SULT1E1: variants seen among roughly 807,000 people sequenced by gnomAD.
The protein encoded by SULT1E1 is sulfotransferase family 1E member 1.
SULT1E1 carries 36 observed loss-of-function variants against 33.6 expected under a neutral mutation model. The observed-to-expected ratio is 1.07, with a 90% CI of 0.82 to 1.41. The LOEUF (loss-of-function observed/expected upper bound fraction) is 1.41, where lower values mean the gene tolerates loss of function less well. SULT1E1 is among the 40% of genes most tolerant of loss of function. The pLI, the probability that SULT1E1 is intolerant of heterozygous loss-of-function variation, is 0.00. For missense variants in SULT1E1, 371 were observed against 345.7 expected, an observed-to-expected ratio of 1.07 and a Z score of -0.58; for synonymous variants, 121 against 111.7, an observed-to-expected ratio of 1.08 and a Z score of -0.53.
chr4:69,849,170 A>G, intron 5 of SULT1E1: 1 of 234,592 alleles, frequency 4.3e-6, no homozygotes, highest in South Asian at 8.0e-5. Context: ...TCAATCTTGG[A>G]GAATAAAATT....
At chr4:69,824,804 C>T in the SULT1E1 span, among the ~76,000 whole-genome samples, 2 of 152,150 alleles carry the variant, frequency 1.3e-5, no homozygotes, top group Non-Finnish European at 2.9e-5. Context: ...GTAAAATGAA[C>T]CAATGAACAG....
chr4:69,831,260 T>TAGCTTTTTCTTTTTCTCTGC, the SULT1E1 span, among the ~76,000 whole-genome samples: 1 of 152,170 alleles, frequency 6.6e-6, no homozygotes, highest in African/African-American at 2.4e-5. Flanking sequence ...GCCTTTCCTG[T>TAGCTTTTTCTTTTTCTCTGC]AGCTTTTTCT....
intron 6 of SULT1E1, 21 bp from the exon 7 acceptor site, chr4:69,844,362 G>T: frequency 6.4e-7 from 1 of 1,572,842 alleles, no homozygotes; most frequent in Non-Finnish European, 8.7e-7. Flanking sequence ...AAAATGTTTT[G>T]AGAACTAAAT....
chr4:69,824,601 G>T, the SULT1E1 span, among the ~76,000 whole-genome samples: 2 of 152,106 alleles, frequency 1.3e-5, no homozygotes, highest in Admixed American at 6.5e-5. Flanking sequence ...GTCGGGTGGG[G>T]ACTTGGAGAA....
At chr4:69,836,385 G>C (rs1395996960), downstream of SULT1E1, among the ~76,000 whole-genome samples, 2 of 152,170 alleles carry the variant, frequency 1.3e-5, no homozygotes, top group Non-Finnish European at 2.9e-5. Flanking sequence ...TCATCTTATA[G>C]AGACATTCTA....
At chr4:69,859,341 G>A (rs1257930034) in intron 1 of SULT1E1, among the ~76,000 whole-genome samples, 2 of 151,852 alleles carry the variant, frequency 1.3e-5, no homozygotes, top group African/African-American at 4.8e-5. Flanking sequence ...CCTTTTCCTA[G>A]GCCCTGTAGT....
At chr4:69,835,758 A>T in the SULT1E1 span, among the ~76,000 whole-genome samples, 2 of 152,178 alleles carry the variant, frequency 1.3e-5, no homozygotes, top group Non-Finnish European at 2.9e-5. Flanking sequence ...TGGGCAAATG[A>T]ACTTTGTTAT....
At chr4:69,846,729 C>A (rs924361781) in intron 6 of SULT1E1, among the ~76,000 whole-genome samples, 1 of 151,696 alleles carries the variant, frequency 6.6e-6, no homozygotes, top group South Asian at 2.1e-4. Flanking sequence ...ACACTACAAT[C>A]AACAGTGTGT....
chr4:69,836,267 G>A (rs567122072), downstream of SULT1E1, among the ~76,000 whole-genome samples: 1 of 152,208 alleles, frequency 6.6e-6, no homozygotes, highest in African/African-American at 2.4e-5. Flanking sequence ...ATGAGTTTAA[G>A]TTTTTATACT....
intron 4 of SULT1E1, among the ~76,000 whole-genome samples, chr4:69,853,763 A>G (rs1360986656): frequency 6.6e-6 from 1 of 152,168 alleles, no homozygotes; most frequent in Non-Finnish European, 1.5e-5. Context: ...TATCTGACCT[A>G]TCCTTTTATG....
In SULT1E1 at chr4:69,844,165, T is replaced by C. The variant is rs374333738; in HGVS notation, c.768A>G (p.Arg256=). 2 of 1,613,904 alleles carry C rather than the reference T, an allele frequency of 1.2e-6. No individual in the cohort carries two copies. Among genetic ancestry groups the C allele is most frequent in the East Asian group, 2.2e-5 (1 of 44,838 alleles). The change falls in exon 7 of 8, where the codon AGA becomes AGG. Residue 256 remains arginine (R), a synonymous_variant. Coordinates refer to ENST00000226444, the MANE Select transcript of SULT1E1 (RefSeq NM_005420.3). ...GGCAAACCACATTTTTCTCACCCTT[T>C]CTCATGAAGGGCGACAATTTCTGGT... The part of the protein sequence containing the change: ...IMNQKLSPFM[R]KGITGDWKNH...
At chr4:69,844,073 G>T in intron 7 of SULT1E1, 88 bp downstream of exon 7, 1 of 1,194,692 alleles carries the variant, frequency 8.4e-7, no homozygotes, top group Non-Finnish European at 1.2e-6. Flanking sequence ...TGGGTTCATA[G>T]GCATTAAAAT....
At chr4:69,856,302 T>G (rs1721234568) in intron 2 of SULT1E1, among the ~76,000 whole-genome samples, 1 of 152,176 alleles carries the variant, frequency 6.6e-6, no homozygotes, top group South Asian at 2.1e-4. Context: ...CAAGTTATTT[T>G]TATAAAAATC....
At position 69,857,555 on chromosome 4, in the gene SULT1E1, C is replaced by T. The variant is rs1484776891; in HGVS notation, c.90G>A (p.Val30=). 1.2e-6 allele frequency: 2 copies of T among 1,613,300 alleles called. No homozygotes were observed. The highest frequency in any genetic ancestry group is 1.7e-5 in the Admixed American group (1 of 59,836). ...YKDFVKYWDN[V]EAFQARPDDL... ...CATCTGGTCTTGCCTGGAACGCTTCCACATTATCCCAATATTTGACAAAAT... is the reference window on the plus strand; with the variant it reads ...CATCTGGTCTTGCCTGGAACGCTTCTACATTATCCCAATATTTGACAAAAT... Residue 30 remains valine, a synonymous_variant, in exon 2 of 8, where the codon GTG becomes GTA. Transcript: ENST00000226444.
chr4:69,821,366 TC>T, the SULT1E1 span, among the ~76,000 whole-genome samples: 6 of 152,216 alleles, frequency 3.9e-5, no homozygotes, highest in Non-Finnish European at 7.3e-5. Context: ...GTATTATTTT[TC>T]CATACACTAT....
Position 69,841,890 on chromosome 4 carries a change from A to G in SULT1E1, c.*104T>C, listed in dbSNP as rs1216901031. On this transcript the variant is annotated 3_prime_UTR_variant, in exon 8 of 8. Coordinates refer to ENST00000226444, the MANE Select transcript of SULT1E1 (RefSeq NM_005420.3). ...AAAAATTTAAAAAGAAAATGTCAAC[A>G]TAATCCATGATTATGTCTTTTCTAG... The G allele has an allele frequency of 2.0e-5, 13 of 661,986 alleles. No homozygotes were observed. The highest frequency in any genetic ancestry group is 3.9e-4 in the Middle Eastern group (1 of 2,534). The allele number at this position is 661,986 out of a possible 1,614,324, so 41.0% of individuals were successfully genotyped here. A position where few individuals can be genotyped will look rare whatever the true frequency, so the allele number is the denominator to read the frequency against.
the SULT1E1 span, among the ~76,000 whole-genome samples, chr4:69,833,733 C>G: frequency 6.6e-6 from 1 of 152,280 alleles, no homozygotes; most frequent in African/African-American, 2.4e-5. Flanking sequence ...CTTTCACAGT[C>G]AATCTACTTG....
intron 2 of SULT1E1, among the ~76,000 whole-genome samples, chr4:69,855,778 T>G: frequency 6.6e-6 from 1 of 152,222 alleles, no homozygotes; most frequent in South Asian, 2.1e-4. Context: ...AAAATTTTAC[T>G]GATGGTATAT....
the SULT1E1 span, among the ~76,000 whole-genome samples, chr4:69,831,555 C>T: frequency 6.6e-6 from 1 of 152,174 alleles, no homozygotes; most frequent in Non-Finnish European, 1.5e-5. Flanking sequence ...GAGTTCTCAA[C>T]CTTTGGGGGG....
Sources: gnomAD v4.1 joint callset for allele counts (sites outside exome capture counted in the v4.1 genomes callset) on GRCh38, gnomAD v4.1.1 for gene constraint, MANE v1.5 for transcripts, NCBI Gene and HGNC (gene_info 2026-07-23, HGNC 2026-07-21) for gene names.